The following BEGAIN variants were observed in gnomAD, a reference collection of about 807,000 sequenced individuals.
The protein encoded by BEGAIN is brain-enriched guanylate kinase-associated protein.
BEGAIN carries 19 observed loss-of-function variants against 35.8 expected under a neutral mutation model. The ratio of observed to expected loss-of-function variants is 0.53; its 90% confidence interval spans 0.37 to 0.78. The LOEUF (loss-of-function observed/expected upper bound fraction) is 0.78, where lower values mean the gene tolerates loss of function less well. BEGAIN is among the 30% of genes least tolerant of loss of function. The pLI, the probability that BEGAIN is intolerant of heterozygous loss-of-function variation, is 0.00. For missense variants in BEGAIN, 795 were observed against 853.6 expected, an observed-to-expected ratio of 0.93 and a Z score of 0.85; for synonymous variants, 462 against 388.6, an observed-to-expected ratio of 1.19 and a Z score of -2.22.
At chr14:100,554,996 C>G (rs1436496126) in intron 2 of BEGAIN, among the ~76,000 whole-genome samples, 2 of 152,232 alleles carry the variant, frequency 1.3e-5, no homozygotes, top group Non-Finnish European at 2.9e-5. Flanking sequence ...GGGGGTCACA[C>G]GCTCACCCTC....
At chr14:100,572,486 C>G (rs550457433) in intron 1 of BEGAIN, among the ~76,000 whole-genome samples, 1 of 152,130 alleles carries the variant, frequency 6.6e-6, no homozygotes, top group Admixed American at 6.5e-5. Flanking sequence ...CTGGCCTCTC[C>G]GACCCCAACC....
At chr14:100,585,617 C>A (rs538949778) in intron 1 of BEGAIN, among the ~76,000 whole-genome samples, 60 of 151,884 alleles carry the variant, frequency 4.0e-4, no homozygotes, top group Admixed American at 2.9e-3. Flanking sequence ...AGACCCTGCG[C>A]CCAAGTCTTG....
intron 1 of BEGAIN, among the ~76,000 whole-genome samples, chr14:100,571,607 C>G (rs142228820): frequency 6.6e-6 from 1 of 152,192 alleles, no homozygotes; most frequent in South Asian, 2.1e-4. Context: ...CTGTGGCACC[C>G]GGGCACAGAG....
At chr14:100,552,810 G>A (rs868164370) in intron 2 of BEGAIN, among the ~76,000 whole-genome samples, 2 of 152,242 alleles carry the variant, frequency 1.3e-5, no homozygotes, top group Non-Finnish European at 2.9e-5. Flanking sequence ...ATGGAACCAC[G>A]TTCCTGCTCC....
chr14:100,544,339 G>A (rs1595111415), intron 4 of BEGAIN, among the ~76,000 whole-genome samples: 1 of 152,222 alleles, frequency 6.6e-6, no homozygotes, highest in Non-Finnish European at 1.5e-5. Context: ...CCGGTGTCCA[G>A]GCACCCAGGC....
At chr14:100,565,209 GA>G (rs1018920366) in intron 2 of BEGAIN, among the ~76,000 whole-genome samples, 17 of 152,216 alleles carry the variant, frequency 1.1e-4, no homozygotes, top group Non-Finnish European at 4.4e-5. Flanking sequence ...AGAGCGTCAT[GA>G]AAACCCCAGG....
intron 2 of BEGAIN, among the ~76,000 whole-genome samples, chr14:100,550,067 GGTGTGC>G (rs1211553308): frequency 4.6e-5 from 7 of 152,176 alleles, no homozygotes; most frequent in East Asian, 1.9e-4. Context: ...GCGTGTGTGT[GGTGTGC>G]GTGTGCGTGC....
chr14:100,568,508 T>C lies in BEGAIN; in HGVS notation c.43-569A>G. 1 of 1,287,010 alleles carries C rather than the reference T, an allele frequency of 7.8e-7. No homozygotes were observed. The highest frequency in any genetic ancestry group is 1.0e-6 in the Non-Finnish European group (1 of 987,562). 79.7% of individuals were successfully genotyped at this position (1,287,010 alleles called of 1,614,324 possible). A position where few individuals can be genotyped will look rare whatever the true frequency, so the allele number is the denominator to read the frequency against. On this transcript the variant is annotated intron_variant, in intron 1 of 6. Transcript: ENST00000554140. This position sits in a 1 kb window ranked among gnomAD's most constrained non-coding sequence, Gnocchi z 7.5. ...CAATCAGGGACCCGCTGCCCTCAGA[T>C]TCTGGGGTTTTGGGCCTGGCTTGCC... is the stretch of plus-strand genomic sequence containing the variant.
chr14:100,568,837 T>C lies in BEGAIN; in HGVS notation c.43-898A>G. On this transcript the variant is annotated intron_variant, in intron 1 of 6. Transcript: ENST00000554140. This position sits in a 1 kb window ranked among gnomAD's most constrained non-coding sequence, Gnocchi z 7.5. ...CGCTCCCCGGGGCTTTGCCCGTCTTTCTGTGCCGTGACTGGCACTCAAGGG... is the reference window on the plus strand; with the variant it reads ...CGCTCCCCGGGGCTTTGCCCGTCTTCCTGTGCCGTGACTGGCACTCAAGGG... 1 of 985,054 alleles carries C rather than the reference T, an allele frequency of 1.0e-6. No homozygotes were observed. The highest frequency in any genetic ancestry group is 1.2e-6 in the Non-Finnish European group (1 of 829,610). The allele number at this position is 985,054 out of a possible 1,614,324, so 61.0% of individuals were successfully genotyped here.
Position 100,538,270 on chromosome 14 carries a change from C to A in BEGAIN, c.1538G>T (p.Arg513Leu). Residue 513 changes from arginine (R) to leucine (L), a missense_variant, in exon 7 of 7, where the codon CGG (arginine) becomes CTG (leucine). Arg to Leu is a moderately radical substitution (Grantham distance 102, BLOSUM62 -2). This residue lies in a region of BEGAIN where 664 missense variants were observed against 647.7 expected (regional missense o/e 1.03). Coordinates refer to ENST00000554140, the MANE Select transcript of BEGAIN (RefSeq NM_001385089.1). ...ACTGAGGCTCAGGTCGCCGCCCGCC[C>A]GCAGGAAGCAGGGCTCTGCCAGGTG... ...QGHLAEPCFL[R>L]AGGDLSLSPG... The A allele has an allele frequency of 6.4e-7, 1 of 1,566,260 alleles. No individual in the cohort carries two copies. Among genetic ancestry groups the A allele is most frequent in the Non-Finnish European group, 8.6e-7 (1 of 1,164,190 alleles).
At chr14:100,560,491 G>A (rs1324670598) in intron 2 of BEGAIN, among the ~76,000 whole-genome samples, 1 of 152,180 alleles carries the variant, frequency 6.6e-6, no homozygotes, top group African/African-American at 2.4e-5. Context: ...CCTGTGGGGT[G>A]TCCAACCTCA....
At chr14:100,570,608 CG>C (rs2035049236) in intron 1 of BEGAIN, among the ~76,000 whole-genome samples, 1 of 152,148 alleles carries the variant, frequency 6.6e-6, no homozygotes, top group Non-Finnish European at 1.5e-5. Context: ...CTGGCAGGGG[CG>C]GGGGGACTAA....
chr14:100,570,951 G>A (rs962325594), intron 1 of BEGAIN, among the ~76,000 whole-genome samples: 1 of 152,210 alleles, frequency 6.6e-6, no homozygotes, highest in African/African-American at 2.4e-5. Context: ...TCTTGGGCCA[G>A]TGGGTGGGGG....
At chr14:100,575,117 G>T (rs1382141129) in intron 1 of BEGAIN, among the ~76,000 whole-genome samples, 2 of 152,130 alleles carry the variant, frequency 1.3e-5, no homozygotes, top group Non-Finnish European at 2.9e-5. Flanking sequence ...GAAACCCAGG[G>T]TCCTCCTGGG....
intron 1 of BEGAIN, among the ~76,000 whole-genome samples, chr14:100,576,296 A>C (rs1046159075): frequency 2.6e-5 from 4 of 152,158 alleles, no homozygotes; most frequent in African/African-American, 7.2e-5. Flanking sequence ...CACAGGTGGC[A>C]GAGGTGCAGA....
rs2030723625 is a variant in BEGAIN at position 100,537,457 on chromosome 14, G to A, written c.*512C>T. 6.5e-6 allele frequency: 1 copy of A among 153,696 alleles called. No individual in the cohort carries two copies. The highest frequency in any genetic ancestry group is 2.4e-5 in the African/African-American group (1 of 41,486). The allele number at this position is 153,696 out of a possible 1,614,324, so 9.5% of individuals were successfully genotyped here. On this transcript the variant is annotated 3_prime_UTR_variant, in exon 7 of 7. Transcript: ENST00000554140. ...CCGAATTTGTTTCAGCTCCCTCTTC[G>A]TGGACACAACTTCAGGGCTCCCTTG... is the stretch of plus-strand genomic sequence containing the variant.
intron 2 of BEGAIN, chr14:100,550,528 G>C: frequency 2.5e-6 from 1 of 399,042 alleles, no homozygotes; most frequent in Non-Finnish European, 4.4e-6. Flanking sequence ...AAAGAGGACA[G>C]AGCTGCTCAG....
At chr14:100,583,721 A>T (rs1425785770) in intron 1 of BEGAIN, among the ~76,000 whole-genome samples, 6 of 40,320 alleles carry the variant, frequency 1.5e-4, no homozygotes, top group Non-Finnish European at 1.8e-4. Context: ...ATGGAGTCTC[A>T]CTCTGTTGCC....
chr14:100,565,602 G>A (rs2034623318), intron 2 of BEGAIN, among the ~76,000 whole-genome samples: 1 of 152,192 alleles, frequency 6.6e-6, no homozygotes, highest in Non-Finnish European at 1.5e-5. Flanking sequence ...GACCCAGCCT[G>A]TGATGTGCAG....
Sources: gnomAD v4.1 joint callset for allele counts (sites outside exome capture counted in the v4.1 genomes callset) on GRCh38, gnomAD v4.1.1 for gene constraint, gnomAD v4.1.1 regional missense constraint, Gnocchi (gnomAD v3.1) non-coding constraint, MANE v1.5 for transcripts, NCBI Gene and HGNC (gene_info 2026-07-23, HGNC 2026-07-21) for gene names.